Variants in STARD13 observed in about 807,000 individuals in gnomAD.
STARD13 encodes StAR related lipid transfer domain containing 13.
In STARD13, 62 loss-of-function variants were observed where a neutral mutation model predicts 106.4. That is an observed-to-expected ratio of 0.58 (90% CI 0.48 to 0.72). The LOEUF is 0.72. STARD13 is among the 30% of genes least tolerant of loss of function. STARD13 has a pLI of 0.00. For synonymous variants in STARD13, 565 were observed against 553.0 expected (o/e 1.02, Z -0.31); for missense variants, 1,387 against 1,424.0 (o/e 0.97, Z 0.42).
intron 1 of STARD13, among the ~76,000 whole-genome samples, chr13:33,185,078 A>G (rs1885621173): frequency 6.6e-6 from 1 of 152,222 alleles, no homozygotes; most frequent in Non-Finnish European, 1.5e-5. Context: ...TAAAAGATAA[A>G]TCTCATTTTC....
rs940477807 is a variant in STARD13, at chr13:33,223,294, A to G, written c.170-55672T>C. On this transcript the variant is annotated intron_variant, in intron 1 of 13. Transcript: ENST00000336934. ...ACACTGCTGTCATAAAACAAAACTG[A>G]AAGCAACCTGGAGACATTTTAGAAG... Among the ~76,000 whole-genome samples, 2 of 152,236 alleles carry G rather than the reference A, an allele frequency of 1.3e-5. 1 individual carries two copies. The highest frequency in any genetic ancestry group is 6.3e-3 in the Middle Eastern group (2 of 316).
At chr13:33,649,299 G>T in the STARD13 span, among the ~76,000 whole-genome samples, 1 of 152,158 alleles carries the variant, frequency 6.6e-6, no homozygotes, top group Non-Finnish European at 1.5e-5. Flanking sequence ...AGTCTGAAAT[G>T]CACTTCTCTC....
At chr13:33,329,775 C>G (rs2138555532) in intron 1 of STARD13, among the ~76,000 whole-genome samples, 1 of 150,844 alleles carries the variant, frequency 6.6e-6, no homozygotes, top group East Asian at 2.0e-4. Flanking sequence ...GCAATCTCGG[C>G]TCACTGCAAC....
the STARD13 span, among the ~76,000 whole-genome samples, chr13:33,455,766 T>TA: frequency 6.6e-6 from 1 of 151,828 alleles, no homozygotes; most frequent in Non-Finnish European, 1.5e-5. Context: ...CCGTCTCTAC[T>TA]AAAAAAACAA....
intron 1 of STARD13, among the ~76,000 whole-genome samples, chr13:33,199,052 A>G (rs1408958997): frequency 6.6e-6 from 1 of 152,234 alleles, no homozygotes; most frequent in African/African-American, 2.4e-5. Context: ...TGAACACATT[A>G]CACACTTAAA....
At chr13:33,662,941 T>A in the STARD13 span, among the ~76,000 whole-genome samples, 2 of 152,232 alleles carry the variant, frequency 1.3e-5, no homozygotes, top group Admixed American at 6.5e-5. Flanking sequence ...GTTTTCTTTA[T>A]AAACTTAGCA....
intron 1 of STARD13, among the ~76,000 whole-genome samples, chr13:33,169,350 C>A (rs187392217): frequency 1.2e-4 from 18 of 152,274 alleles, no homozygotes; most frequent in Admixed American, 1.1e-3. Context: ...TTTGAAGGTT[C>A]CTACTTTGAT....
chr13:33,197,468 G>A (rs1343362854), intron 1 of STARD13, among the ~76,000 whole-genome samples: 15 of 150,832 alleles, frequency 9.9e-5, no homozygotes, highest in African/African-American at 2.9e-4. Context: ...CCTCTTAAGC[G>A]TCAGCCCAAT....
chr13:33,226,522 C>T (rs1346741513), intron 1 of STARD13, among the ~76,000 whole-genome samples: 3 of 151,552 alleles, frequency 2.0e-5, no homozygotes, highest in Non-Finnish European at 4.4e-5. Flanking sequence ...GCAACCTCCA[C>T]CTCCTGAGTT....
the STARD13 span, among the ~76,000 whole-genome samples, chr13:33,609,646 A>T: frequency 6.7e-6 from 1 of 150,190 alleles, no homozygotes; most frequent in African/African-American, 2.5e-5. Context: ...GGCTCACTGC[A>T]AGCTCCACCT....
intron 3 of STARD13, chr13:33,164,017 C>T (rs1425135475): frequency 1.3e-5 from 2 of 151,944 alleles, no homozygotes; most frequent in African/African-American, 4.8e-5. Context: ...AATTCATTAC[C>T]TTTACAGAAT....
At chr13:33,276,694 G>A (rs916171055) in intron 1 of STARD13, 1 of 152,108 alleles carries the variant, frequency 6.6e-6, no homozygotes, top group African/African-American at 2.4e-5. Context: ...GGGGAGAGTT[G>A]GAATGCAGGA....
the STARD13 span, among the ~76,000 whole-genome samples, chr13:33,418,994 C>T: frequency 6.6e-6 from 1 of 152,284 alleles, no homozygotes; most frequent in South Asian, 2.1e-4. Context: ...TACATAAAAC[C>T]ACAAAGATGG....
chr13:33,364,807 TG>T, the STARD13 span, among the ~76,000 whole-genome samples: 1 of 152,056 alleles, frequency 6.6e-6, no homozygotes, highest in Non-Finnish European at 1.5e-5. Flanking sequence ...GAGAATGGCG[TG>T]AACCCGGGAG....
the STARD13 span, among the ~76,000 whole-genome samples, chr13:33,496,354 G>A: frequency 6.6e-6 from 1 of 150,740 alleles, no homozygotes; most frequent in Non-Finnish European, 1.5e-5. Flanking sequence ...ATTTACAATA[G>A]CAAATACATT....
the STARD13 span, among the ~76,000 whole-genome samples, chr13:33,492,280 C>G: frequency 2.0e-5 from 3 of 152,148 alleles, no homozygotes; most frequent in African/African-American, 7.2e-5. Flanking sequence ...ATACAGTTAT[C>G]ATTTACTGAA....
chr13:33,284,447 A>G (rs1891953819), intron 1 of STARD13, among the ~76,000 whole-genome samples: 1 of 152,200 alleles, frequency 6.6e-6, no homozygotes, highest in South Asian at 2.1e-4. Context: ...TGGCTCTAAA[A>G]ATTCCTGGTT....
intron 1 of STARD13, among the ~76,000 whole-genome samples, chr13:33,314,091 A>G (rs1467093502): frequency 1.3e-5 from 2 of 152,136 alleles, no homozygotes; most frequent in Admixed American, 6.6e-5. Context: ...GAATCCTTAG[A>G]GCTAGATGTG....
chr13:33,273,026 T>C (rs1407794169), intron 1 of STARD13: 1 of 152,236 alleles, frequency 6.6e-6, no homozygotes, highest in Non-Finnish European at 1.5e-5. Context: ...TTATATCAAG[T>C]CAGTCTCCAC....
Sources: allele counts gnomAD v4.1 joint callset (sites outside exome capture counted in the v4.1 genomes callset), GRCh38; gene constraint gnomAD v4.1.1; transcripts MANE v1.5; gene names NCBI Gene and HGNC (gene_info 2026-07-23, HGNC 2026-07-21).